Variants in MGAT4A observed in about 807,000 individuals in gnomAD.
MGAT4A encodes alpha-1,3-mannosyl-glycoprotein 4-beta-N-acetylglucosaminyltransferase A, also known as N-acetylglucosaminyltransferase IVa.
A neutral mutation model predicts 74.1 loss-of-function variants in MGAT4A; 33 were observed. The ratio of observed to expected loss-of-function variants is 0.45; its 90% CI spans 0.34 to 0.60. MGAT4A has a LOEUF of 0.60. MGAT4A is among the 20% of genes least tolerant of loss of function. The pLI is 0.02. For synonymous variants in MGAT4A, 198 were observed against 210.4 expected (o/e 0.94, Z 0.51); for missense variants, 479 against 628.3 (o/e 0.76, Z 2.54).
At chr2:98,643,437 T>C (rs1701441407) in intron 10 of MGAT4A, among the ~76,000 whole-genome samples, 2 of 152,266 alleles carry the variant, frequency 1.3e-5, no homozygotes, top group South Asian at 4.1e-4. Flanking sequence ...GTAATCATAT[T>C]ATTATGAACA....
chr2:98,640,330 C>A, intron 10 of MGAT4A, 102 bp from the exon 11 acceptor site: 1 of 982,120 alleles, frequency 1.0e-6, no homozygotes, highest in South Asian at 1.6e-5. Context: ...AAAAGAAGGG[C>A]TGGGCGCGGT....
At chr2:98,668,161 T>A (rs1275074052) in intron 4 of MGAT4A, among the ~76,000 whole-genome samples, 3 of 152,236 alleles carry the variant, frequency 2.0e-5, no homozygotes, top group Non-Finnish European at 4.4e-5. Context: ...ACTGAATGGT[T>A]AAGCTCAATG....
At chr2:98,640,594 A>G (rs1242419916) in intron 10 of MGAT4A, among the ~76,000 whole-genome samples, 1 of 152,128 alleles carries the variant, frequency 6.6e-6, no homozygotes, top group African/African-American at 2.4e-5. Flanking sequence ...ACAGAGTAAA[A>G]CTCTGTCACA....
In MGAT4A at chr2:98,718,710, T is replaced by C. The variant is rs761159326; in HGVS notation, c.94+7529A>G. ...TAGCTAAGGTTAAGTCCCAGGCAAGTGCAATTGAGATGTGGGGGCTCTCTT... is the reference window on the plus strand; with the variant it reads ...TAGCTAAGGTTAAGTCCCAGGCAAGCGCAATTGAGATGTGGGGGCTCTCTT... On this transcript the variant is annotated intron_variant, in intron 2 of 15. Coordinates refer to ENST00000393487, the MANE Select transcript of MGAT4A (RefSeq NM_012214.3). Among the ~76,000 whole-genome samples, 32 of 152,322 alleles carry C rather than the reference T, an allele frequency of 2.1e-4. 1 individual carries two copies. The highest frequency in any genetic ancestry group is 3.4e-4 in the Non-Finnish European group (23 of 68,032).
At chr2:98,665,475 C>T (rs1390142479) in intron 4 of MGAT4A, among the ~76,000 whole-genome samples, 1 of 152,186 alleles carries the variant, frequency 6.6e-6, no homozygotes, top group Admixed American at 6.5e-5. Context: ...ACCCTCTCTT[C>T]CATTTTAGGC....
intron 2 of MGAT4A, among the ~76,000 whole-genome samples, chr2:98,716,500 C>A (rs1300287483): frequency 6.6e-6 from 1 of 151,946 alleles, no homozygotes; most frequent in Non-Finnish European, 1.5e-5. Flanking sequence ...CACCTGTAAT[C>A]CCAGCTTCTC....
chr2:98,661,985 G>T (rs1473260422), intron 5 of MGAT4A, among the ~76,000 whole-genome samples: 2 of 152,110 alleles, frequency 1.3e-5, no homozygotes, highest in African/African-American at 4.8e-5. Flanking sequence ...ACTGACCAGT[G>T]CCCATCAAAA....
At position 98,625,304 on chromosome 2, in the gene MGAT4A, A is replaced by G; in HGVS notation, c.*262T>C. On this transcript the variant is annotated 3_prime_UTR_variant, in exon 16 of 16. Coordinates refer to ENST00000393487, the MANE Select transcript of MGAT4A (RefSeq NM_012214.3). ...ATATGTACAACTCTTATGTATTAGT[A>G]TAATACCAAAATAGTACAAGTCATA... 1 of 1,204,322 alleles carries G rather than the reference A, an allele frequency of 8.3e-7. No individual in the cohort carries two copies. Among genetic ancestry groups the G allele is most frequent in the Non-Finnish European group, 1.1e-6 (1 of 948,026 alleles). 74.6% of individuals were successfully genotyped at this position (1,204,322 alleles called of 1,614,324 possible). A position where few individuals can be genotyped will look rare whatever the true frequency, so the allele number is the denominator to read the frequency against.
chr2:98,711,633 C>T (rs1702520507), intron 2 of MGAT4A, among the ~76,000 whole-genome samples: 1 of 151,940 alleles, frequency 6.6e-6, no homozygotes, highest in Non-Finnish European at 1.5e-5. Flanking sequence ...ATCAGCTAAC[C>T]ACTTAAGTAA....
At chr2:98,658,145 T>G (rs1701684775) in intron 6 of MGAT4A, 73 bp downstream of exon 6, 1 of 958,548 alleles carries the variant, frequency 1.0e-6, no homozygotes, top group African/African-American at 1.7e-5. Flanking sequence ...AGGAAGGCAT[T>G]TTCTTTTAGC....
chr2:98,636,375 A>G, intron 13 of MGAT4A, 142 bp downstream of exon 13: 1 of 627,734 alleles, frequency 1.6e-6, no homozygotes, highest in Non-Finnish European at 2.8e-6. Flanking sequence ...AGTGCTTCAT[A>G]TTTCAAAAAA....
At chr2:98,700,512 G>A (rs367932245) in intron 2 of MGAT4A, among the ~76,000 whole-genome samples, 8 of 151,858 alleles carry the variant, frequency 5.3e-5, no homozygotes, top group Non-Finnish European at 7.4e-5. Context: ...TTTTGTTTAT[G>A]TGAATTATAT....
chr2:98,710,993 T>TAA (rs57292774), intron 2 of MGAT4A, among the ~76,000 whole-genome samples: 2 of 150,296 alleles, frequency 1.3e-5, no homozygotes, highest in African/African-American at 4.9e-5. Flanking sequence ...GAAGTTGGGT[T>TAA]AAAAAAAAAT....
chr2:98,622,255 T>C lies in MGAT4A; in HGVS notation c.*3311A>G. 1.0e-6 allele frequency: 1 copy of C among 985,484 alleles called. No homozygotes were observed. The highest frequency in any genetic ancestry group is 1.2e-6 in the Non-Finnish European group (1 of 829,952). 61.0% of individuals were successfully genotyped at this position (985,484 alleles called of 1,614,324 possible). On this transcript the variant is annotated 3_prime_UTR_variant, in exon 16 of 16. Transcript: ENST00000393487. ...TTCATAATTAGCACTCTGGACACAG[T>C]ACTGTTCAACAGAGCTTTCTGCAGT... is the stretch of plus-strand genomic sequence containing the variant.
In MGAT4A at chr2:98,642,713, C is replaced by T. The variant is rs1701428222; in HGVS notation, c.1020+1210G>A. On this transcript the variant is annotated intron_variant, in intron 10 of 15. Coordinates refer to ENST00000393487, the MANE Select transcript of MGAT4A (RefSeq NM_012214.3). ...TTCTATAAGTCACAGTGAAAATGTG[C>T]ATAAGGACTGAGATCTCTAAAAAAT... Among the ~76,000 whole-genome samples, 3 of 152,144 alleles carry T rather than the reference C, an allele frequency of 2.0e-5. 1 individual carries two copies. In the South Asian group the frequency reaches 6.2e-4, roughly 32 times the overall value.
rs968319397 is a variant in MGAT4A, at chr2:98,726,202, T to G, written c.94+37A>C. The G allele has an allele frequency of 5.5e-5, 86 of 1,568,006 alleles. 1 individual carries two copies. In the South Asian group the frequency reaches 8.7e-4, roughly 16 times the overall value. The stretch of plus-strand genomic sequence containing the variant: ...CACCTTAACCAAGCAAAAACCCTAG[T>G]ACATTTCATGCACATTTTCCGAGTC... On this transcript the variant is annotated intron_variant, in intron 2 of 15. Transcript: ENST00000393487.
At chr2:98,666,120 T>A (rs1200637052) in intron 4 of MGAT4A, among the ~76,000 whole-genome samples, 1 of 152,188 alleles carries the variant, frequency 6.6e-6, no homozygotes, top group Non-Finnish European at 1.5e-5. Context: ...ATGTACTAAC[T>A]GAAGGAAAAG....
At chr2:98,650,832 C>A (rs1701565240) in intron 8 of MGAT4A, among the ~76,000 whole-genome samples, 1 of 151,940 alleles carries the variant, frequency 6.6e-6, no homozygotes, top group East Asian at 1.9e-4. Context: ...GCACCTGTAA[C>A]CCTAGCTACT....
intron 14 of MGAT4A, among the ~76,000 whole-genome samples, chr2:98,630,073 A>G (rs1701206715): frequency 6.6e-6 from 1 of 152,206 alleles, no homozygotes; most frequent in Non-Finnish European, 1.5e-5. Context: ...CAAATAATGA[A>G]GAAAAAGTTG....
Sources: allele counts gnomAD v4.1 joint callset (sites outside exome capture counted in the v4.1 genomes callset), GRCh38; gene constraint gnomAD v4.1.1; transcripts MANE v1.5; gene names NCBI Gene and HGNC (gene_info 2026-07-23, HGNC 2026-07-21).